KLRG1: variants seen among roughly 807,000 people sequenced by gnomAD.
KLRG1 encodes the protein killer cell lectin like receptor G1.
In KLRG1, 16 loss-of-function variants were observed where a neutral mutation model predicts 21.8. The ratio of observed to expected loss-of-function variants is 0.73; its 90% CI spans 0.50 to 1.11. The LOEUF is 1.11. KLRG1 is among the 50% of genes most tolerant of loss of function. KLRG1 has a pLI of 0.00. For missense variants in KLRG1, 173 were observed against 218.3 expected, an observed-to-expected ratio of 0.79 and a Z score of 1.31; for synonymous variants, 69 against 75.9, an observed-to-expected ratio of 0.91 and a Z score of 0.47.
the KLRG1 span, among the ~76,000 whole-genome samples, chr12:9,081,029 C>T: frequency 2.6e-5 from 4 of 152,078 alleles, no homozygotes; most frequent in African/African-American, 9.7e-5. Flanking sequence ...CAGTTATCTT[C>T]CCTTTCTCAT....
the KLRG1 span, chr12:9,158,382 G>A: frequency 6.2e-7 from 1 of 1,609,410 alleles, no homozygotes; most frequent in Non-Finnish European, 8.5e-7. Flanking sequence ...ATGTTATGTT[G>A]ATGTGTGTCA....
chr12:9,112,537 C>G, the KLRG1 span: 2 of 1,613,382 alleles, frequency 1.2e-6, no homozygotes, highest in African/African-American at 1.3e-5. Flanking sequence ...ACTTTGGGAC[C>G]TGAAATACAG....
the KLRG1 span, chr12:9,194,143 A>G: frequency 6.2e-7 from 1 of 1,614,064 alleles, no homozygotes; most frequent in East Asian, 2.2e-5. Flanking sequence ...GACCCTGCTC[A>G]TTGGTGGTTG....
the KLRG1 span, chr12:9,202,730 C>A: frequency 6.4e-7 from 1 of 1,557,166 alleles, no homozygotes; most frequent in South Asian, 1.2e-5. Context: ...GTGCAGTCTT[C>A]TCCCTCTGCA....
At chr12:8,992,359 A>AT in intron 2 of KLRG1, 49 bp downstream of exon 2, 2 of 1,338,006 alleles carry the variant, frequency 1.5e-6, no homozygotes, top group Non-Finnish European at 2.1e-6. Flanking sequence ...ATATTATAAA[A>AT]GCAATATAAC....
chr12:9,081,178 T>A, the KLRG1 span, among the ~76,000 whole-genome samples: 1 of 151,942 alleles, frequency 6.6e-6, no homozygotes, highest in East Asian at 1.9e-4. Flanking sequence ...AAAAAACTAC[T>A]CAAAAGACAA....
At chr12:9,127,868 C>T in the KLRG1 span, 17 of 262,098 alleles carry the variant, frequency 6.5e-5, no homozygotes, top group Admixed American at 4.7e-5. Context: ...CCCGGGGCCC[C>T]GGCAATTACA....
At chr12:9,151,452 G>A in the KLRG1 span, 2 of 541,064 alleles carry the variant, frequency 3.7e-6, no homozygotes, top group East Asian at 2.8e-5. Flanking sequence ...GAGTTCAAAG[G>A]TTTCCCCTCT....
At chr12:8,997,103 T>C (rs1442861620) in intron 3 of KLRG1, among the ~76,000 whole-genome samples, 1 of 152,194 alleles carries the variant, frequency 6.6e-6, no homozygotes, top group African/African-American at 2.4e-5. Flanking sequence ...AGGGATTTTG[T>C]CCTTCCTCTG....
intron 1 of KLRG1, among the ~76,000 whole-genome samples, chr12:8,981,162 G>A (rs921215573): frequency 5.3e-5 from 8 of 152,166 alleles, no homozygotes; most frequent in Admixed American, 3.9e-4. Context: ...TGCTGTGTTA[G>A]TCCTCTTGCT....
chr12:9,107,683 C>T, the KLRG1 span: 1 of 1,607,958 alleles, frequency 6.2e-7, no homozygotes, highest in East Asian at 2.2e-5. Context: ...AGAGCAGACA[C>T]TGAACCTCCC....
the KLRG1 span, chr12:9,101,817 C>A: frequency 2.9e-6 from 2 of 690,916 alleles, no homozygotes; most frequent in Non-Finnish European, 4.8e-6. Flanking sequence ...GAGAAGGACC[C>A]CTGATTTTGT....
chr12:9,125,710 T>A, the KLRG1 span, among the ~76,000 whole-genome samples: 2 of 152,172 alleles, frequency 1.3e-5, no homozygotes, highest in African/African-American at 4.8e-5. Flanking sequence ...TTTAAAATAG[T>A]GCGTGTATGT....
At chr12:9,115,952 G>T in the KLRG1 span, 29 of 907,952 alleles carry the variant, frequency 3.2e-5, no homozygotes, top group Non-Finnish European at 4.0e-5. Flanking sequence ...GCTTTATGCT[G>T]CTCTGTGTGC....
At chr12:9,166,182 T>TA in the KLRG1 span, 110 of 1,611,696 alleles carry the variant, frequency 6.8e-5, 2 homozygotes, top group Non-Finnish European at 8.6e-5. Flanking sequence ...ACATATGGTC[T>TA]CTCTACTACT....
chr12:8,982,890 C>A (rs1253478929), intron 1 of KLRG1, among the ~76,000 whole-genome samples: 2 of 152,112 alleles, frequency 1.3e-5, no homozygotes, highest in African/African-American at 4.8e-5. Flanking sequence ...AGGTGATTTG[C>A]CCGCCTCAGC....
the KLRG1 span, chr12:9,193,959 C>T: frequency 9.7e-7 from 1 of 1,031,290 alleles, no homozygotes; most frequent in African/African-American, 1.6e-5. Context: ...AATTTGTAAA[C>T]TCAAAGTTAG....
chr12:9,069,693 T>C, the KLRG1 span: 2 of 1,447,774 alleles, frequency 1.4e-6, no homozygotes, highest in Non-Finnish European at 1.9e-6. Context: ...AGATGTTCCC[T>C]TAGAGGATTA....
At chr12:9,068,028 G>T in the KLRG1 span, 1 of 989,364 alleles carries the variant, frequency 1.0e-6, no homozygotes, top group Non-Finnish European at 1.5e-6. Flanking sequence ...AGAGTCAGCG[G>T]CCCTCTCCAA....
Sources: allele counts gnomAD v4.1 joint callset (sites outside exome capture counted in the v4.1 genomes callset), GRCh38; gene constraint gnomAD v4.1.1; transcripts MANE v1.5; gene names NCBI Gene and HGNC (gene_info 2026-07-23, HGNC 2026-07-21).